The following LGALS3BP variants were observed in gnomAD, a reference collection of about 807,000 sequenced individuals.
The protein encoded by LGALS3BP is galectin-3-binding protein.
LGALS3BP carries 25 observed loss-of-function variants against 22.9 expected under a neutral mutation model. The observed-to-expected ratio is 1.09, with a 90% CI of 0.80 to 1.53. The LOEUF is 1.53. LGALS3BP is among the 40% of genes most tolerant of loss of function. The pLI, the probability that LGALS3BP is intolerant of heterozygous loss-of-function variation, is 0.00. For synonymous variants in LGALS3BP, 335 were observed against 331.1 expected, an observed-to-expected ratio of 1.01 and a Z score of -0.13; for missense variants, 718 against 752.0, an observed-to-expected ratio of 0.95 and a Z score of 0.53.
Position 78,971,784 on chromosome 17 carries a change from G to A in LGALS3BP, c.1550C>T (p.Ala517Val), listed in dbSNP as rs764907964. 1 of 1,614,090 alleles carries A rather than the reference G, an allele frequency of 6.2e-7. No individual in the cohort carries two copies. The highest frequency in any genetic ancestry group is 8.5e-7 in the Non-Finnish European group (1 of 1,180,048). The change falls in exon 6 of 6, where the codon GCC (alanine) becomes GTC (valine). Residue 517 changes from alanine (A) to valine (V), a missense_variant. Coordinates refer to ENST00000262776, the MANE Select transcript of LGALS3BP (RefSeq NM_005567.4). This position sits in a 1 kb window ranked among gnomAD's most constrained non-coding sequence, Gnocchi z 5.6. Reference protein sequence around the residue: ...TKSGGSDRTIAYENKALMLCE... With the variant: ...TKSGGSDRTIVYENKALMLCE... Reference sequence around the variant, plus strand: ...GAGCATCAGGGCTTTGTTTTCGTAGGCAATGGTGCGATCTGAGCCGCCAGA... The same window carrying A: ...GAGCATCAGGGCTTTGTTTTCGTAGACAATGGTGCGATCTGAGCCGCCAGA...
intron 3 of LGALS3BP, among the ~76,000 whole-genome samples, chr17:78,975,168 CAACATCAGGTTCACATAT>C: frequency 6.6e-6 from 1 of 152,128 alleles, no homozygotes; most frequent in African/African-American, 2.4e-5. Context: ...ACTATCCCTG[CAACATCAGGTTCACATAT>C]TGTAATTGTG....
chr17:78,974,372 G>A (rs1033368096), intron 4 of LGALS3BP, among the ~76,000 whole-genome samples: 5 of 152,220 alleles, frequency 3.3e-5, no homozygotes, highest in African/African-American at 1.2e-4. Flanking sequence ...AGCGGACGCT[G>A]GCATTTCAGG....
In LGALS3BP at chr17:78,972,396, A is replaced by T; in HGVS notation, c.938T>A (p.Leu313Gln). 2 of 1,613,480 alleles carry T rather than the reference A, an allele frequency of 1.2e-6. No individual in the cohort carries two copies. The highest frequency in any genetic ancestry group is 1.7e-6 in the Non-Finnish European group (2 of 1,180,012). The change falls in exon 6 of 6, where the codon CTG (leucine) becomes CAG (glutamine). Residue 313 changes from leucine to glutamine, a missense_variant. Leu to Gln is a moderately radical substitution (Grantham distance 113). Coordinates refer to ENST00000262776, the MANE Select transcript of LGALS3BP (RefSeq NM_005567.4). This position sits in a 1 kb window ranked among gnomAD's most constrained non-coding sequence, Gnocchi z 5.1. ...TAGGGCCAGCTCGCTGGGCACCGCC[A>T]GGTCGCTCCTGGGCAGCAGCAGTTG... ...LLQLLLPRSDLAVPSELALLK... is the reference protein window; with the variant it reads ...LLQLLLPRSDQAVPSELALLK...
rs774158187 is a variant in LGALS3BP at position 78,976,113 on chromosome 17, G to T, written c.96C>A (p.Thr32=). 7 of 1,600,134 alleles carry T rather than the reference G, an allele frequency of 4.4e-6. No homozygotes were observed. The highest frequency in any genetic ancestry group is 1.1e-5 in the South Asian group (1 of 88,840). ...GDMRLADGGA[T]NQGRVEIFYR... ...AGAAGATCTCCACGCGGCCCTGGTT[G>T]GTGGCGCCCCCATCGGCCAGCCGCA... The change falls in exon 3 of 6, where the codon ACC becomes ACA. Residue 32 remains threonine (T), a synonymous_variant. Coordinates refer to ENST00000262776, the MANE Select transcript of LGALS3BP (RefSeq NM_005567.4). The surrounding 1 kb of genome is among the most constrained non-coding windows in gnomAD (Gnocchi z 4.6).
intron 1 of LGALS3BP, among the ~76,000 whole-genome samples, chr17:78,978,881 T>C (rs1225205523): frequency 1.3e-5 from 2 of 152,106 alleles, no homozygotes; most frequent in African/African-American, 4.8e-5. Context: ...CTGGCCAACA[T>C]GGTGAAACCC....
Position 78,971,813 on chromosome 17 carries a change from G to C in LGALS3BP, c.1521C>G (p.Thr507=). Residue 507 remains threonine, a synonymous_variant, in exon 6 of 6, where the codon ACC becomes ACG. Coordinates refer to ENST00000262776, the MANE Select transcript of LGALS3BP (RefSeq NM_005567.4). The surrounding 1 kb of genome is among the most constrained non-coding windows in gnomAD (Gnocchi z 5.6). ...SSDELPVLGL[T]KSGGSDRTIA... ...TGGTGCGATCTGAGCCGCCAGACTT[G>C]GTGAGGCCCAGGACAGGGAGCTCGT... is the stretch of plus-strand genomic sequence containing the variant. 6.2e-7 allele frequency: 1 copy of C among 1,614,124 alleles called. No homozygotes were observed. The highest frequency in any genetic ancestry group is 8.5e-7 in the Non-Finnish European group (1 of 1,180,024).
Position 78,972,114 on chromosome 17 carries a change from C to A in LGALS3BP, c.1220G>T (p.Arg407Leu), listed in dbSNP as rs781375645. Residue 407 changes from arginine (R) to leucine (L), a missense_variant, in exon 6 of 6, where the codon CGG becomes CTG. Arg to Leu is a moderately radical substitution (Grantham distance 102). Coordinates refer to ENST00000262776, the MANE Select transcript of LGALS3BP (RefSeq NM_005567.4). This position sits in a 1 kb window ranked among gnomAD's most constrained non-coding sequence, Gnocchi z 5.1. Reference sequence around the variant, plus strand: ...ACTCCAGGTGGGCGAGGTGTAAATCCGGGGCTTGTAGGTATCCTCGGTGAG... The same window carrying A: ...ACTCCAGGTGGGCGAGGTGTAAATCAGGGGCTTGTAGGTATCCTCGGTGAG... ...LNLTEDTYKP[R>L]IYTSPTWSAF... 6.2e-7 allele frequency: 1 copy of A among 1,613,204 alleles called. No individual in the cohort carries two copies. Among genetic ancestry groups the A allele is most frequent in the Non-Finnish European group, 8.5e-7 (1 of 1,179,322 alleles).
At chr17:78,975,861 C>T (rs914469722) in intron 3 of LGALS3BP, 104 bp downstream of exon 3, 6 of 413,236 alleles carry the variant, frequency 1.5e-5, no homozygotes, top group Non-Finnish European at 2.4e-5. Flanking sequence ...ATCCAATTTG[C>T]ATGTCTTTGA....
Position 78,976,274 on chromosome 17 carries a change from G to T in LGALS3BP, c.53-118C>A. 2.2e-6 allele frequency: 2 copies of T among 910,816 alleles called. No homozygotes were observed. Among genetic ancestry groups the T allele is most frequent in the Middle Eastern group, 3.1e-4 (1 of 3,260 alleles). The allele number at this position is 910,816 out of a possible 1,614,324, so 56.4% of individuals were successfully genotyped here. A position where few individuals can be genotyped will look rare whatever the true frequency, so the allele number is the denominator to read the frequency against. ...CTGAGCTTGTATTTCAGGGCTTCAA[G>T]GTCCCCTGGCCTCTCCATGAGGGGC... On this transcript the variant is annotated intron_variant, in intron 2 of 5. Coordinates refer to ENST00000262776, the MANE Select transcript of LGALS3BP (RefSeq NM_005567.4). This position sits in a 1 kb window ranked among gnomAD's most constrained non-coding sequence, Gnocchi z 4.6.
chr17:78,972,294 C>T lies in LGALS3BP; in HGVS notation c.1040G>A (p.Arg347His), dbSNP rs768355767. Residue 347 changes from arginine to histidine, a missense_variant, in exon 6 of 6, where the codon CGC (arginine) becomes CAC (histidine). Transcript: ENST00000262776. This position sits in a 1 kb window ranked among gnomAD's most constrained non-coding sequence, Gnocchi z 5.1. Reference protein sequence around the residue: ...EEVEGLVEKIRFPMMLPEELF... With the variant: ...EEVEGLVEKIHFPMMLPEELF... ...CTCCTCAGGGAGCATCATGGGGAAG[C>T]GGATCTTCTCCACCAAGCCCTCCAC... 1.4e-5 allele frequency: 22 copies of T among 1,613,232 alleles called. No homozygotes were observed. Among genetic ancestry groups the T allele is most frequent in the East Asian group, 2.2e-5 (1 of 44,858 alleles).
chr17:78,977,405 T>G (rs2070730801), intron 1 of LGALS3BP, 191 bp from the exon 2 acceptor site: 3 of 578,538 alleles, frequency 5.2e-6, no homozygotes, highest in Non-Finnish European at 6.2e-6. Flanking sequence ...GCCCCTCACC[T>G]GGTCTGCAGT....
chr17:78,972,949 C>A lies in LGALS3BP; in HGVS notation c.629+21G>T. 1 of 1,588,596 alleles carries A rather than the reference C, an allele frequency of 6.3e-7. No individual in the cohort carries two copies. The highest frequency in any genetic ancestry group is 8.6e-7 in the Non-Finnish European group (1 of 1,163,612). ...GACAAAGCCCCTGGCGGCCCCAGAG[C>A]CTGAGGACGAGACGGCTCACCTGAG... On this transcript the variant is annotated intron_variant, in intron 5 of 5. Transcript: ENST00000262776. This position sits in a 1 kb window ranked among gnomAD's most constrained non-coding sequence, Gnocchi z 5.1.
Position 78,975,897 on chromosome 17 carries a change from T to G in LGALS3BP, c.244+68A>C, listed in dbSNP as rs938567665. On this transcript the variant is annotated intron_variant, in intron 3 of 5. Transcript: ENST00000262776. The stretch of plus-strand genomic sequence containing the variant: ...AACCTGACTGTTTCGTCTTAGGGGA[T>G]TTGCCCCTCCTGGGAGCTGGCTGTG... 1.1e-5 allele frequency: 13 copies of G among 1,185,576 alleles called. No homozygotes were observed. The East Asian group carries it at 3.3e-4, about 30-fold the overall frequency. 73.4% of individuals were successfully genotyped at this position (1,185,576 alleles called of 1,614,324 possible).
intron 1 of LGALS3BP, among the ~76,000 whole-genome samples, chr17:78,978,998 C>T (rs758835494): frequency 6.6e-6 from 1 of 152,002 alleles, no homozygotes; most frequent in Non-Finnish European, 1.5e-5. Context: ...TTGCTTGAAT[C>T]CGGCAGGCAG....
chr17:78,972,154 A>G lies in LGALS3BP; in HGVS notation c.1180T>C (p.Tyr394His), dbSNP rs2070677832. 1 of 1,613,936 alleles carries G rather than the reference A, an allele frequency of 6.2e-7. No homozygotes were observed. The highest frequency in any genetic ancestry group is 8.5e-7 in the Non-Finnish European group (1 of 1,179,988). ...TCCTCGGTGAGGTTCAGGCCTTTGT[A>G]CCGGGCCAGCAACTGGAAGGGCACA... ...HTVPFQLLARYKGLNLTEDTY... is the reference protein window; with the variant it reads ...HTVPFQLLARHKGLNLTEDTY... The change falls in exon 6 of 6, where the codon TAC becomes CAC. Residue 394 changes from tyrosine to histidine, a missense_variant. Transcript: ENST00000262776. The surrounding 1 kb of genome is among the most constrained non-coding windows in gnomAD (Gnocchi z 5.1).
At chr17:78,975,064 A>G in intron 3 of LGALS3BP, 1 of 522,998 alleles carries the variant, frequency 1.9e-6, no homozygotes, top group Non-Finnish European at 3.4e-6. Flanking sequence ...ATTCATGTAT[A>G]GTAATTGTGT....
intron 4 of LGALS3BP, among the ~76,000 whole-genome samples, chr17:78,974,303 C>T (rs1398110471): frequency 2.6e-5 from 4 of 152,228 alleles, no homozygotes; most frequent in Admixed American, 6.5e-5. Flanking sequence ...TGCGAGTAGC[C>T]GGGACTCCCT....
At chr17:78,977,235 G>A (rs779834840) in intron 1 of LGALS3BP, 21 bp from the exon 2 acceptor site, 1 of 1,602,286 alleles carries the variant, frequency 6.2e-7, no homozygotes, top group African/African-American at 1.3e-5. Flanking sequence ...CAGAAGCGGA[G>A]GGGTGAGGCA....
rs552499637 is a variant in LGALS3BP at position 78,973,977 on chromosome 17, G to A, written c.376+711C>T. Among the ~76,000 whole-genome samples, 30 of 152,272 alleles carry A rather than the reference G, an allele frequency of 2.0e-4. No individual in the cohort carries two copies. Among genetic ancestry groups the A allele is most frequent in the African/African-American group, 7.0e-4 (29 of 41,548 alleles). On this transcript the variant is annotated intron_variant, in intron 4 of 5. Transcript: ENST00000262776. The surrounding 1 kb of genome is among the most constrained non-coding windows in gnomAD (Gnocchi z 5.8). ...GCGCCCATGGCCCCGTGTGCTCCCC[G>A]CCGCCTCCCCTGGCCCCCGACAGCC... is the stretch of plus-strand genomic sequence containing the variant.
Sources: allele counts gnomAD v4.1 joint callset (sites outside exome capture counted in the v4.1 genomes callset), GRCh38; gene constraint gnomAD v4.1.1; non-coding constraint Gnocchi (gnomAD v3.1); transcripts MANE v1.5; gene names NCBI Gene and HGNC (gene_info 2026-07-23, HGNC 2026-07-21).